Variants in SLC14A2 observed in about 807,000 individuals in gnomAD.
SLC14A2 encodes urea transporter 2.
In SLC14A2, 91 loss-of-function variants were observed where a neutral mutation model predicts 104.6. The observed-to-expected ratio is 0.87, with a 90% CI of 0.73 to 1.04. The LOEUF (loss-of-function observed/expected upper bound fraction) is 1.04, where lower values mean the gene tolerates loss of function less well. Ranked by LOEUF, SLC14A2 falls within the 50% of genes least tolerant of loss-of-function variation. The probability of loss-of-function intolerance (pLI) is 0.00; values close to 1 mark genes in which losing one functional copy is unlikely to be tolerated. For missense variants in SLC14A2, 1,189 were observed against 1,156.0 expected (o/e 1.03, Z -0.41); for synonymous variants, 476 against 466.4 (o/e 1.02, Z -0.27).
intron 1 of SLC14A2, among the ~76,000 whole-genome samples, chr18:45,410,462 C>T (rs948556139): frequency 1.1e-4 from 17 of 152,112 alleles, no homozygotes; most frequent in African/African-American, 4.1e-4. Flanking sequence ...TGCCTAACCT[C>T]ATATGATATA....
chr18:45,582,215 C>T (rs1048994187), intron 2 of SLC14A2, among the ~76,000 whole-genome samples: 1 of 152,162 alleles, frequency 6.6e-6, no homozygotes, highest in African/African-American at 2.4e-5. Context: ...GGCACATGGT[C>T]TAGGTAGACA....
chr18:45,455,875 G>A (rs2086935435), intron 1 of SLC14A2, among the ~76,000 whole-genome samples: 1 of 152,064 alleles, frequency 6.6e-6, no homozygotes, highest in Non-Finnish European at 1.5e-5. Context: ...AAAGAGTGAT[G>A]GAGTGAGAAA....
At chr18:45,331,421 G>A (rs60661362) in intron 1 of SLC14A2, among the ~76,000 whole-genome samples, 2,671 of 152,238 alleles carry the variant, frequency 0.018, 79 homozygotes, top group African/African-American at 0.061. Flanking sequence ...GCCGGGTGTG[G>A]TGGCTCACGC....
intron 1 of SLC14A2, among the ~76,000 whole-genome samples, chr18:45,407,229 C>T (rs757606291): frequency 2.0e-5 from 3 of 152,324 alleles, no homozygotes; most frequent in East Asian, 1.9e-4. Flanking sequence ...GCAGCTTCTG[C>T]GTCAGCACTT....
At chr18:45,621,962 A>G (rs1025142257) in intron 1 of SLC14A2, among the ~76,000 whole-genome samples, 2 of 152,182 alleles carry the variant, frequency 1.3e-5, no homozygotes, top group East Asian at 1.9e-4. Flanking sequence ...AACACCTTAC[A>G]AGTACTAAAA....
rs778157220 is a variant in SLC14A2, at chr18:45,682,512, TCTC to T, written c.2759_2761del (p.Ser920del). On this transcript the variant is annotated inframe_deletion, in exon 20 of 20. Transcript: ENST00000255226. Reference sequence around the variant, plus strand: ...ATAACAAAGTATCAGGCCTACGATGTCTCCTAAGTTTCCCTGTCTAAAACACAT... The same window carrying T: ...ATAACAAAGTATCAGGCCTACGATGTCTAAGTTTCCCTGTCTAAAACACAT... 3.1e-6 allele frequency: 5 copies of T among 1,613,436 alleles called. No homozygotes were observed. Among genetic ancestry groups the T allele is most frequent in the Admixed American group, 1.7e-5 (1 of 60,002 alleles).
chr18:45,541,296 A>T (rs182618086), intron 2 of SLC14A2, among the ~76,000 whole-genome samples: 1 of 152,260 alleles, frequency 6.6e-6, no homozygotes, highest in East Asian at 1.9e-4. Context: ...TCAAGATTCG[A>T]CTGGCCCACT....
chr18:45,303,030 G>GA (rs1555673626), intron 1 of SLC14A2, among the ~76,000 whole-genome samples: 2 of 151,848 alleles, frequency 1.3e-5, no homozygotes, highest in Non-Finnish European at 2.9e-5. Flanking sequence ...AAAAAGAAAA[G>GA]AAAAGAAAAA....
intron 1 of SLC14A2, among the ~76,000 whole-genome samples, chr18:45,369,956 G>C (rs73953156): frequency 9.8e-4 from 149 of 152,270 alleles, no homozygotes; most frequent in African/African-American, 3.5e-3. Flanking sequence ...CCCTCCAAAG[G>C]CATCCCTAGA....
chr18:45,345,452 A>T (rs2085438311), intron 1 of SLC14A2, among the ~76,000 whole-genome samples: 1 of 152,150 alleles, frequency 6.6e-6, no homozygotes, highest in African/African-American at 2.4e-5. Context: ...AGATCATGCC[A>T]TGCACGTGAT....
chr18:45,609,141 C>G (rs1382196497), intron 2 of SLC14A2, among the ~76,000 whole-genome samples: 2 of 152,136 alleles, frequency 1.3e-5, no homozygotes, highest in African/African-American at 2.4e-5. Flanking sequence ...GAGCATCCAT[C>G]TGTCTCCCTG....
intron 1 of SLC14A2, among the ~76,000 whole-genome samples, chr18:45,423,297 G>A (rs2086374880): frequency 6.6e-6 from 1 of 152,166 alleles, no homozygotes; most frequent in African/African-American, 2.4e-5. Context: ...TCTGAAAGGT[G>A]GTTATATGAA....
chr18:45,538,745 G>C (rs185495925), intron 2 of SLC14A2, among the ~76,000 whole-genome samples: 1 of 151,718 alleles, frequency 6.6e-6, no homozygotes, highest in Admixed American at 6.6e-5. Context: ...GCAGGAAACT[G>C]AATACCAGCA....
intron 1 of SLC14A2, among the ~76,000 whole-genome samples, chr18:45,443,688 C>A (rs532536787): frequency 6.6e-6 from 1 of 152,170 alleles, no homozygotes; most frequent in East Asian, 1.9e-4. Context: ...GTTTCTATGG[C>A]TAGCCTTGGG....
chr18:45,561,282 CAGA>C (rs1161216861), intron 2 of SLC14A2, among the ~76,000 whole-genome samples: 1 of 152,278 alleles, frequency 6.6e-6, no homozygotes, highest in South Asian at 2.1e-4. Flanking sequence ...ATCCTGTGGG[CAGA>C]AGAAGGCCTT....
intron 1 of SLC14A2, among the ~76,000 whole-genome samples, chr18:45,224,799 T>G (rs557342188): frequency 3.3e-5 from 5 of 152,298 alleles, no homozygotes; most frequent in African/African-American, 1.2e-4. Context: ...CTGACTGGCT[T>G]GAAGAACTCA....
At chr18:45,171,739 A>T in the SLC14A2 span, among the ~76,000 whole-genome samples, 4 of 152,170 alleles carry the variant, frequency 2.6e-5, no homozygotes, top group Non-Finnish European at 5.9e-5. Context: ...CTTATTTCTC[A>T]GATGAGTAAT....
At chr18:45,249,318 A>C (rs1038858490) in intron 1 of SLC14A2, among the ~76,000 whole-genome samples, 6 of 151,410 alleles carry the variant, frequency 4.0e-5, no homozygotes, top group African/African-American at 1.2e-4. Flanking sequence ...ATGTACATGC[A>C]AAGGGTGGAG....
chr18:45,619,220 AC>A (rs1244569823), intron 1 of SLC14A2, among the ~76,000 whole-genome samples: 1 of 152,184 alleles, frequency 6.6e-6, no homozygotes, highest in African/African-American at 2.4e-5. Flanking sequence ...CCAAGTCCTG[AC>A]ATGGAAGCTG....
Sources: allele counts gnomAD v4.1 joint callset (sites outside exome capture counted in the v4.1 genomes callset), GRCh38; gene constraint gnomAD v4.1.1; transcripts MANE v1.5; gene names NCBI Gene and HGNC (gene_info 2026-07-23, HGNC 2026-07-21).